CCDC83: variants seen among roughly 807,000 people sequenced by gnomAD.
The protein encoded by CCDC83 is coiled-coil domain-containing protein 83.
Under a neutral mutation model 50.1 loss-of-function variants are expected in CCDC83, and 54 were observed. The observed-to-expected ratio is 1.08, with a 90% CI of 0.87 to 1.35. The LOEUF is 1.35. Ranked by LOEUF, CCDC83 falls within the 40% of genes most tolerant of loss-of-function variation. The probability of loss-of-function intolerance (pLI) is 0.00; values close to 1 mark genes in which losing one functional copy is unlikely to be tolerated. For synonymous variants in CCDC83, 161 were observed against 153.3 expected (o/e 1.05, Z -0.37); for missense variants, 518 against 473.9 (o/e 1.09, Z -0.86).
intron 7 of CCDC83, among the ~76,000 whole-genome samples, chr11:85,906,567 C>A (rs910549800): frequency 6.6e-6 from 1 of 152,032 alleles, no homozygotes; most frequent in African/African-American, 2.4e-5. Flanking sequence ...GCATCAGGAA[C>A]AAAAAGAGCT....
chr11:85,908,327 T>C (rs1037984729), intron 7 of CCDC83, among the ~76,000 whole-genome samples: 4 of 152,102 alleles, frequency 2.6e-5, no homozygotes, highest in African/African-American at 9.7e-5. Flanking sequence ...TAAGAATTTA[T>C]GGCTGGGCAC....
chr11:85,910,085 C>T (rs567286748), intron 7 of CCDC83, among the ~76,000 whole-genome samples: 103 of 152,298 alleles, frequency 6.8e-4, no homozygotes, highest in Non-Finnish European at 1.2e-3. Flanking sequence ...GCACAGCCTC[C>T]TGTGTCTGCC....
chr11:85,907,054 A>C (rs2093429202), intron 7 of CCDC83, among the ~76,000 whole-genome samples: 1 of 152,188 alleles, frequency 6.6e-6, no homozygotes, highest in Non-Finnish European at 1.5e-5. Context: ...CAAGAATTGA[A>C]AATTGCCTGG....
chr11:85,857,845 A>G (rs1185256659), intron 1 of CCDC83, among the ~76,000 whole-genome samples: 1 of 152,192 alleles, frequency 6.6e-6, no homozygotes, highest in Non-Finnish European at 1.5e-5. Context: ...GCTGCCATGA[A>G]GGGCTATGAG....
chr11:85,909,609 C>CTTTTTTTTTTTTTTTTTTTTTTTT lies in CCDC83; in HGVS notation c.673-1664_673-1641dup, dbSNP rs71468972. ...TTTGGACAAAAGTCATCAAAATACA[C>CTTTTTTTTTTTTTTTTTTTTTTTT]TTTTTTTTTTTTTTTTTTTTTTTTT... On this transcript the variant is annotated intron_variant, in intron 7 of 10. Coordinates refer to ENST00000342404, the MANE Select transcript of CCDC83 (RefSeq NM_001286159.2). Among the ~76,000 whole-genome samples the CTTTTTTTTTTTTTTTTTTTTTTTT allele has an allele frequency of 1.4e-4, 8 of 57,726 alleles. 1 individual carries two copies. The highest frequency in any genetic ancestry group is 2.6e-4 in the Non-Finnish European group (8 of 30,914). The allele number at this position is 57,726 out of a possible 152,430, so 37.9% of individuals were successfully genotyped here. A position where few individuals can be genotyped will look rare whatever the true frequency, so the allele number is the denominator to read the frequency against.
intron 2 of CCDC83, among the ~76,000 whole-genome samples, chr11:85,865,434 A>G (rs946668972): frequency 6.6e-6 from 1 of 152,286 alleles, no homozygotes. Context: ...ATGACTACTT[A>G]GACTATTTTA....
chr11:85,882,496 G>A lies in CCDC83; in HGVS notation c.181-17G>A, dbSNP rs774113893. ...CATAGTTGATCAAACGTGAATTACT[G>A]TTGATTTTCATGACAGAATAGCCGC... On this transcript the variant is annotated splice_polypyrimidine_tract_variant and intron_variant, in intron 3 of 10. Coordinates refer to ENST00000342404, the MANE Select transcript of CCDC83 (RefSeq NM_001286159.2). 1.2e-6 allele frequency: 2 copies of A among 1,611,482 alleles called. No homozygotes were observed. The highest frequency in any genetic ancestry group is 1.7e-6 in the Non-Finnish European group (2 of 1,178,670).
intron 1 of CCDC83, among the ~76,000 whole-genome samples, chr11:85,857,683 G>C (rs754397680): frequency 1.3e-5 from 2 of 152,172 alleles, no homozygotes; most frequent in African/African-American, 4.8e-5. Context: ...GTCCCTCATA[G>C]ATAGCATCAA....
At position 85,915,416 on chromosome 11, in the gene CCDC83, T is replaced by C; in HGVS notation, c.795-3T>C. Reference sequence around the variant, plus strand: ...AGATTGTTTTTCTCATTTGTTCTTTTAGGCGACTATATCTTACCCAAGCTG... The same window carrying C: ...AGATTGTTTTTCTCATTTGTTCTTTCAGGCGACTATATCTTACCCAAGCTG... On this transcript the variant is annotated splice_polypyrimidine_tract_variant and splice_region_variant and intron_variant, in intron 8 of 10. Coordinates refer to ENST00000342404, the MANE Select transcript of CCDC83 (RefSeq NM_001286159.2). The C allele has an allele frequency of 6.2e-7, 1 of 1,605,178 alleles. No individual in the cohort carries two copies. Among genetic ancestry groups the C allele is most frequent in the Non-Finnish European group, 8.5e-7 (1 of 1,176,076 alleles).
intron 1 of CCDC83, among the ~76,000 whole-genome samples, chr11:85,860,038 C>T (rs1773974058): frequency 1.3e-5 from 2 of 152,090 alleles, no homozygotes; most frequent in Admixed American, 1.3e-4. Flanking sequence ...CCTGTAATCC[C>T]AGCACTTTGG....
In CCDC83 at chr11:85,864,333, TA is replaced by T. The variant is rs143568967; in HGVS notation, c.-28-759del. ...TTATTCTTTTAAGATTAGTGGAAATTAAAAGATAAAAATGTGTTAAGGAAGA... is the reference window on the plus strand; with the variant it reads ...TTATTCTTTTAAGATTAGTGGAAATTAAAGATAAAAATGTGTTAAGGAAGA... On this transcript the variant is annotated intron_variant, in intron 1 of 10. Coordinates refer to ENST00000342404, the MANE Select transcript of CCDC83 (RefSeq NM_001286159.2). Among the ~76,000 whole-genome samples, 460 of 152,322 alleles carry T rather than the reference TA, an allele frequency of 3.0e-3. 2 individuals are homozygous for T. The highest frequency in any genetic ancestry group is 0.011 in the African/African-American group (448 of 41,568).
intron 3 of CCDC83, among the ~76,000 whole-genome samples, chr11:85,877,639 A>G (rs2093276468): frequency 6.6e-6 from 1 of 152,172 alleles, no homozygotes; most frequent in South Asian, 2.1e-4. Flanking sequence ...TGTATATTAT[A>G]TACATTTCTT....
chr11:85,915,050 A>G (rs1269088807), intron 8 of CCDC83, among the ~76,000 whole-genome samples: 1 of 152,154 alleles, frequency 6.6e-6, no homozygotes, highest in Non-Finnish European at 1.5e-5. Context: ...CTCTCCCACA[A>G]CATATGGGGA....
chr11:85,879,671 G>C lies in CCDC83; in HGVS notation c.181-2842G>C, dbSNP rs374345943. ...ATTTTGCTTTGTTGCCCAAGCTGGA[G>C]TGCAGTGGCATGATCTCAGCTCACT... is the stretch of plus-strand genomic sequence containing the variant. On this transcript the variant is annotated intron_variant, in intron 3 of 10. Coordinates refer to ENST00000342404, the MANE Select transcript of CCDC83 (RefSeq NM_001286159.2). 1.1e-4 allele frequency among the ~76,000 whole-genome samples: 16 copies of C among 151,932 alleles called. No individual in the cohort carries two copies. In the East Asian group the frequency reaches 1.7e-3, roughly 17 times the overall value.
At chr11:85,864,911 A>C (rs2093198108) in intron 1 of CCDC83, among the ~76,000 whole-genome samples, 185 bp from the exon 2 acceptor site, 1 of 152,172 alleles carries the variant, frequency 6.6e-6, no homozygotes, top group Non-Finnish European at 1.5e-5. Flanking sequence ...CATGGAATTC[A>C]CCAGAATCAA....
chr11:85,918,385 TG>T (rs911116646), intron 10 of CCDC83, among the ~76,000 whole-genome samples: 1 of 152,210 alleles, frequency 6.6e-6, no homozygotes, highest in Non-Finnish European at 1.5e-5. Context: ...ATATAGGGCC[TG>T]GCATACAGTG....
At chr11:85,912,273 T>C (rs562645674) in intron 8 of CCDC83, among the ~76,000 whole-genome samples, 12 of 152,270 alleles carry the variant, frequency 7.9e-5, no homozygotes, top group Non-Finnish European at 1.5e-4. Context: ...AGACTACTAT[T>C]TGAGACATGA....
chr11:85,902,501 G>A (rs140827563), intron 7 of CCDC83, among the ~76,000 whole-genome samples: 5 of 152,224 alleles, frequency 3.3e-5, no homozygotes, highest in African/African-American at 4.8e-5. Flanking sequence ...AAAGCATCCC[G>A]TCCAAGTTGA....
Position 85,882,511 on chromosome 11 carries a change from A to T in CCDC83, c.181-2A>T. On this transcript the variant is annotated splice_acceptor_variant, in intron 3 of 10. Transcript: ENST00000342404. LOFTEE classifies it high-confidence loss of function. ...GTGAATTACTGTTGATTTTCATGAC[A>T]GAATAGCCGCTTAAAAGAAGAACAG... The T allele has an allele frequency of 3.1e-6, 5 of 1,612,892 alleles. No homozygotes were observed. In the South Asian group the frequency reaches 3.3e-5, roughly 11 times the overall value.
Sources: allele counts gnomAD v4.1 joint callset (sites outside exome capture counted in the v4.1 genomes callset), GRCh38; gene constraint gnomAD v4.1.1; transcripts MANE v1.5; gene names NCBI Gene and HGNC (gene_info 2026-07-23, HGNC 2026-07-21).